The following MAP9 variants were observed in gnomAD, a reference collection of about 807,000 sequenced individuals.
MAP9 encodes microtubule associated protein 9, also known as microtubule-associated protein 9.
Under a neutral mutation model 75.2 loss-of-function variants are expected in MAP9, and 80 were observed. That is an observed-to-expected ratio of 1.06 (90% CI 0.89 to 1.28). MAP9 has a LOEUF of 1.28. Among genes scored for constraint, MAP9 ranks in the 50% most tolerant of loss-of-function variants. MAP9 has a pLI of 0.00. For synonymous variants in MAP9, 235 were observed against 237.3 expected, an observed-to-expected ratio of 0.99 and a Z score of 0.09; for missense variants, 753 against 719.9, an observed-to-expected ratio of 1.05 and a Z score of -0.53.
rs1368731457 is a variant in MAP9 at position 155,368,607 on chromosome 4, G to T, written c.687C>A (p.Phe229Leu). The change falls in exon 5 of 14, where the codon TTC becomes TTA. Residue 229 changes from phenylalanine to leucine, a missense_variant. By Grantham distance (22) the Phe-to-Leu change is conservative (BLOSUM62 0). Coordinates refer to ENST00000311277, the MANE Select transcript of MAP9 (RefSeq NM_001039580.2). ...TAACCTCAGGATCAAGGTTTTCAGA[G>T]AATGCTTTTTTCTCAGCTTCTAATT... ...GIQLEAEKKAFSENLDPEDSC... is the reference protein window; with the variant it reads ...GIQLEAEKKALSENLDPEDSC... The T allele has an allele frequency of 1.2e-6, 2 of 1,614,038 alleles. No homozygotes were observed. The highest frequency in any genetic ancestry group is 1.7e-6 in the Non-Finnish European group (2 of 1,179,896).
chr4:155,349,173 G>A (rs1262241411), intron 13 of MAP9, among the ~76,000 whole-genome samples: 1 of 11,976 alleles, frequency 8.4e-5, no homozygotes, highest in Non-Finnish European at 1.8e-4. Flanking sequence ...GAAGAGCTTT[G>A]CTTGCAAACA....
chr4:155,366,379 A>C (rs1217547270), intron 5 of MAP9, among the ~76,000 whole-genome samples: 1 of 152,012 alleles, frequency 6.6e-6, no homozygotes, highest in Non-Finnish European at 1.5e-5. Context: ...AAAGAAAGTA[A>C]AAGAAATAAT....
chr4:155,354,884 G>A (rs757471688), intron 10 of MAP9, among the ~76,000 whole-genome samples, 187 bp downstream of exon 10: 51 of 152,086 alleles, frequency 3.4e-4, no homozygotes, highest in Non-Finnish European at 6.8e-4. Context: ...ATTAAAATCT[G>A]TTTTCATGTA....
chr4:155,359,210 TACACAC>T (rs56261222), intron 7 of MAP9, among the ~76,000 whole-genome samples: 8,414 of 145,534 alleles, frequency 0.058, 736 homozygotes, highest in African/African-American at 0.2. Flanking sequence ...AAAATGTGTA[TACACAC>T]ACACACACAC....
chr4:155,353,435 T>C lies in MAP9; in HGVS notation c.1381-95A>G, dbSNP rs191975077. On this transcript the variant is annotated intron_variant, in intron 10 of 13. Transcript: ENST00000311277. ...ATATAAATATACACATATACATTTATCTTTAGTCCTCTGATATTCATTATA... is the reference window on the plus strand; with the variant it reads ...ATATAAATATACACATATACATTTACCTTTAGTCCTCTGATATTCATTATA... 270 of 971,712 alleles carry C rather than the reference T, an allele frequency of 2.8e-4. 1 individual carries two copies. In the African/African-American group the frequency reaches 5.9e-3, roughly 21 times the overall value. The allele number at this position is 971,712 out of a possible 1,614,324, so 60.2% of individuals were successfully genotyped here.
At chr4:155,355,291 C>CA in intron 9 of MAP9, 131 bp from the exon 10 acceptor site, 1 of 360,378 alleles carries the variant, frequency 2.8e-6, no homozygotes, top group Non-Finnish European at 4.9e-6. Context: ...CTAAAAAAGA[C>CA]AAAAAAAGAC....
chr4:155,347,997 A>T, intron 13 of MAP9, 92 bp from the exon 14 acceptor site: 1 of 797,640 alleles, frequency 1.3e-6, no homozygotes, highest in East Asian at 2.8e-5. Flanking sequence ...ATAATCCATT[A>T]TAGGATATTT....
intron 13 of MAP9, chr4:155,349,452 G>A (rs916068028): frequency 6.6e-6 from 1 of 152,114 alleles, no homozygotes; most frequent in Admixed American, 6.6e-5. Flanking sequence ...TATGGAAAAT[G>A]ATTAGGTATG....
chr4:155,361,368 A>G (rs2111237669), intron 6 of MAP9: 1 of 152,150 alleles, frequency 6.6e-6, no homozygotes, highest in Middle Eastern at 3.4e-3. Context: ...TCATCTGTAA[A>G]ATGACAAAAA....
At position 155,343,731 on chromosome 4, in the gene MAP9, A is replaced by G. The variant is rs1168343112; in HGVS notation, c.*4052T>C. On this transcript the variant is annotated 3_prime_UTR_variant, in exon 14 of 14. Coordinates refer to ENST00000311277, the MANE Select transcript of MAP9 (RefSeq NM_001039580.2). ...ATATGCTATCAAAAAGCAGACATTA[A>G]TATCTTCTTAATAATTTTTAAAACA... The G allele has an allele frequency of 6.6e-6, 1 of 151,892 alleles. No homozygotes were observed. The highest frequency in any genetic ancestry group is 2.4e-5 in the African/African-American group (1 of 41,446). The allele number at this position is 151,892 out of a possible 1,614,324, so 9.4% of individuals were successfully genotyped here.
At chr4:155,362,796 T>C (rs940243578) in intron 5 of MAP9, 3 of 152,194 alleles carry the variant, frequency 2.0e-5, no homozygotes, top group Non-Finnish European at 4.4e-5. Flanking sequence ...GTACAAATAC[T>C]TTAATTTTCT....
rs1578856861 is a variant in MAP9, at chr4:155,368,374, T to C, written c.708+212A>G. 19 of 610,076 alleles carry C rather than the reference T, an allele frequency of 3.1e-5. No homozygotes were observed. The East Asian group carries it at 4.9e-4, about 16-fold the overall frequency. 37.8% of individuals were successfully genotyped at this position (610,076 alleles called of 1,614,324 possible). The stretch of plus-strand genomic sequence containing the variant: ...TGCATTTCCTTCTTCCTTAGTGGTA[T>C]GTAAAATAATGCTACGTCTTACAAT... On this transcript the variant is annotated intron_variant, in intron 5 of 13. Coordinates refer to ENST00000311277, the MANE Select transcript of MAP9 (RefSeq NM_001039580.2).
chr4:155,373,567 A>G, intron 3 of MAP9, 111 bp from the exon 4 acceptor site: 1 of 633,944 alleles, frequency 1.6e-6, no homozygotes, highest in Non-Finnish European at 2.5e-6. Flanking sequence ...TCTAACAATG[A>G]ATAGGCACAA....
rs1445732453 is a variant in MAP9, at chr4:155,375,778, G to A, written c.73C>T (p.Gln25Ter). ...SPKVTKRTTF[Q>*]DELIRAITAR... ...GATTCCAAATAAAAATACTTTACCT[G>A]GAAAGTAGTTCTTTTGGTAACTTTT... Residue 25 changes from glutamine to a stop codon, truncating the protein, a stop_gained and splice_region_variant, in exon 2 of 14, where the codon CAG becomes TAG. Transcript: ENST00000311277. LOFTEE classifies it high-confidence loss of function. The A allele has an allele frequency of 5.0e-6, 8 of 1,591,648 alleles. No homozygotes were observed. In the Admixed American group the frequency reaches 8.4e-5, roughly 17 times the overall value.
At chr4:155,358,568 A>G (rs904865788) in intron 7 of MAP9, among the ~76,000 whole-genome samples, 3 of 152,172 alleles carry the variant, frequency 2.0e-5, no homozygotes, top group African/African-American at 7.2e-5. Flanking sequence ...TACAAGAGAT[A>G]ATGACAAATT....
At position 155,373,394 on chromosome 4, in the gene MAP9, C is replaced by A; in HGVS notation, c.223G>T (p.Asp75Tyr). Reference sequence around the variant, plus strand: ...TCTTCATCATCTGATATATGAAAGTCATTCATTTTTTTATTAACTGAATTT... The same window carrying A: ...TCTTCATCATCTGATATATGAAAGTAATTCATTTTTTTATTAACTGAATTT... ...DENSVNKKMNDFHISDDEEKN... is the reference protein window; with the variant it reads ...DENSVNKKMNYFHISDDEEKN... The change falls in exon 4 of 14, where the codon GAC becomes TAC. Residue 75 changes from aspartate (D) to tyrosine (Y), a missense_variant. Asp to Tyr is a radical substitution (Grantham distance 160). Coordinates refer to ENST00000311277, the MANE Select transcript of MAP9 (RefSeq NM_001039580.2). 2 of 1,600,604 alleles carry A rather than the reference C, an allele frequency of 1.2e-6. No individual in the cohort carries two copies. The highest frequency in any genetic ancestry group is 2.3e-5 in the South Asian group (2 of 87,238).
chr4:155,368,879 TGCTAC>T, intron 4 of MAP9, 67 bp from the exon 5 acceptor site: 4 of 1,333,476 alleles, frequency 3.0e-6, no homozygotes, highest in Non-Finnish European at 4.2e-6. Context: ...TCTCTCTGGG[TGCTAC>T]CATACTTCCC....
intron 6 of MAP9, 179 bp from the exon 7 acceptor site, chr4:155,360,594 A>G: frequency 1.7e-6 from 1 of 587,062 alleles, no homozygotes; most frequent in South Asian, 2.4e-5. Flanking sequence ...TTTACAAAAA[A>G]AAATAGTCTA....
intron 13 of MAP9, chr4:155,350,014 G>A (rs1211617446): frequency 1.3e-5 from 3 of 233,978 alleles, no homozygotes; most frequent in Admixed American, 1.1e-4. Flanking sequence ...GGAAAACTGA[G>A]CTTTTTGCTT....
Sources: allele counts gnomAD v4.1 joint callset (sites outside exome capture counted in the v4.1 genomes callset), GRCh38; gene constraint gnomAD v4.1.1; transcripts MANE v1.5; gene names NCBI Gene and HGNC (gene_info 2026-07-23, HGNC 2026-07-21).